Variants in ELL2 observed in about 807,000 individuals in gnomAD.
The protein encoded by ELL2 is elongation factor for RNA polymerase II 2.
In ELL2, 21 loss-of-function variants were observed where a neutral mutation model predicts 72.8. The observed-to-expected ratio is 0.29, with a 90% CI of 0.20 to 0.42. ELL2 has a LOEUF of 0.42. ELL2 is among the 10% of genes least tolerant of loss of function. The pLI is 1.00. For missense variants in ELL2, 568 were observed against 772.8 expected (o/e 0.73, Z 3.14); for synonymous variants, 266 against 283.2 (o/e 0.94, Z 0.61).
intron 1 of ELL2, among the ~76,000 whole-genome samples, chr5:95,944,984 C>T (rs989749351): frequency 6.6e-6 from 1 of 152,210 alleles, no homozygotes; most frequent in Non-Finnish European, 1.5e-5. Flanking sequence ...TCACACCTTT[C>T]ATTTCGAAAG....
intron 9 of ELL2, 66 bp downstream of exon 9, chr5:95,895,562 G>T: frequency 1.4e-6 from 2 of 1,453,984 alleles, no homozygotes; most frequent in Non-Finnish European, 1.9e-6. Flanking sequence ...TGCAAATTAT[G>T]GGAAAAGAAT....
At chr5:95,933,287 T>C (rs1400931767) in intron 2 of ELL2, among the ~76,000 whole-genome samples, 2 of 152,164 alleles carry the variant, frequency 1.3e-5, no homozygotes, top group Admixed American at 1.3e-4. Flanking sequence ...AAATGCCATA[T>C]CTAGGAATCT....
chr5:95,937,275 T>C (rs1217092103), intron 2 of ELL2, among the ~76,000 whole-genome samples: 7 of 152,164 alleles, frequency 4.6e-5, no homozygotes, highest in Non-Finnish European at 1.0e-4. Context: ...ACCACAAACA[T>C]ACAATCAAAG....
At chr5:95,899,912 G>A (rs1040651720) in intron 7 of ELL2, among the ~76,000 whole-genome samples, 1 of 151,708 alleles carries the variant, frequency 6.6e-6, no homozygotes, top group Non-Finnish European at 1.5e-5. Context: ...ATTTTCTGAT[G>A]TGCGAATGGC....
chr5:95,928,360 T>C (rs1251964861), intron 2 of ELL2, among the ~76,000 whole-genome samples: 1 of 152,306 alleles, frequency 6.6e-6, no homozygotes, highest in East Asian at 1.9e-4. Context: ...CCCATTGGGT[T>C]CAGCAACTTA....
chr5:95,905,816 A>G (rs948552335), intron 5 of ELL2, among the ~76,000 whole-genome samples: 3 of 151,896 alleles, frequency 2.0e-5, no homozygotes, highest in Non-Finnish European at 2.9e-5. Flanking sequence ...TAGAAAAAGT[A>G]AAAAAGATGG....
At position 95,926,366 on chromosome 5, in the gene ELL2, G is replaced by A. The variant is rs1455611229; in HGVS notation, c.196-6821C>T. Among the ~76,000 whole-genome samples, 4 of 152,214 alleles carry A rather than the reference G, an allele frequency of 2.6e-5. No individual in the cohort carries two copies. The South Asian group carries it at 6.2e-4, about 24-fold the overall frequency. ...AGAGGATCCAACACATATTAGAGCC[G>A]TCTGAAATTTCCATATGATAGCTAT... On this transcript the variant is annotated intron_variant, in intron 2 of 11. Coordinates refer to ENST00000237853, the MANE Select transcript of ELL2 (RefSeq NM_012081.6).
rs765842892 is a variant in ELL2 at position 95,913,916 on chromosome 5, G to A, written c.336C>T (p.Leu112=). ...QTFSSSGASQ[L]NCLGFIQDKI... ...TATCTTGTATAAATCCCAGGCAATT[G>A]AGCTGGGAGGCTCCAGAGCTGTCAA... The change falls in exon 4 of 12, where the codon CTC becomes CTT. Residue 112 remains leucine (L), a synonymous_variant. Coordinates refer to ENST00000237853, the MANE Select transcript of ELL2 (RefSeq NM_012081.6). 52 of 1,595,872 alleles carry A rather than the reference G, an allele frequency of 3.3e-5. No homozygotes were observed. Among genetic ancestry groups the A allele is most frequent in the Non-Finnish European group, 4.4e-5 (52 of 1,170,996 alleles).
At position 95,918,637 on chromosome 5, in the gene ELL2, T is replaced by C. The variant is rs536686491; in HGVS notation, c.317+787A>G. On this transcript the variant is annotated intron_variant, in intron 3 of 11. Transcript: ENST00000237853. Reference sequence around the variant, plus strand: ...CAGATAAGTCACAGAGATACGCTGGTCTAGGGTACTTGGGGCTAATGTCAA... The same window carrying C: ...CAGATAAGTCACAGAGATACGCTGGCCTAGGGTACTTGGGGCTAATGTCAA... Among the ~76,000 whole-genome samples the C allele has an allele frequency of 2.0e-5, 3 of 152,180 alleles. No homozygotes were observed. In the South Asian group the frequency reaches 6.2e-4, roughly 32 times the overall value.
rs1185422900 is a variant in ELL2, at chr5:95,887,862, A to G, written c.*1009T>C. 1.3e-5 allele frequency: 2 copies of G among 152,466 alleles called. No individual in the cohort carries two copies. The highest frequency in any genetic ancestry group is 2.9e-5 in the Non-Finnish European group (2 of 68,038). 9.4% of individuals were successfully genotyped at this position (152,466 alleles called of 1,614,324 possible). A position where few individuals can be genotyped will look rare whatever the true frequency, so the allele number is the denominator to read the frequency against. Reference sequence around the variant, plus strand: ...TTTTATAATTTTGTCCCAAAACTATAGATCTGTTTCATTTTCATGACATAT... The same window carrying G: ...TTTTATAATTTTGTCCCAAAACTATGGATCTGTTTCATTTTCATGACATAT... On this transcript the variant is annotated 3_prime_UTR_variant, in exon 12 of 12. Coordinates refer to ENST00000237853, the MANE Select transcript of ELL2 (RefSeq NM_012081.6).
chr5:95,926,177 A>G (rs1047033830), intron 2 of ELL2, among the ~76,000 whole-genome samples: 1 of 137,536 alleles, frequency 7.3e-6, no homozygotes, highest in Non-Finnish European at 1.5e-5. Flanking sequence ...TTGAGGGGAG[A>G]AAAAAAAAAA....
intron 8 of ELL2, among the ~76,000 whole-genome samples, chr5:95,895,972 C>A (rs931728165): frequency 1.3e-5 from 2 of 152,236 alleles, no homozygotes; most frequent in Admixed American, 6.5e-5. Context: ...GTCTTCTATT[C>A]TTTCAACAAC....
chr5:95,938,480 T>C (rs1392754166), intron 2 of ELL2, among the ~76,000 whole-genome samples: 1 of 152,226 alleles, frequency 6.6e-6, no homozygotes, highest in African/African-American at 2.4e-5. Flanking sequence ...TCCCAGGTCT[T>C]TGGGAAGCCC....
At chr5:95,913,339 T>C (rs964020992) in intron 4 of ELL2, 1 of 152,914 alleles carries the variant, frequency 6.5e-6, no homozygotes. Flanking sequence ...GTAAGCAAAA[T>C]CTACAACAAT....
chr5:95,944,772 C>T (rs1371734557), intron 1 of ELL2, among the ~76,000 whole-genome samples: 1 of 152,204 alleles, frequency 6.6e-6, no homozygotes, highest in Non-Finnish European at 1.5e-5. Context: ...AAGCACTGAA[C>T]ATAACCTCAT....
At chr5:95,928,859 G>A (rs1408678027) in intron 2 of ELL2, among the ~76,000 whole-genome samples, 1 of 152,112 alleles carries the variant, frequency 6.6e-6, no homozygotes, top group East Asian at 1.9e-4. Flanking sequence ...TACTACTTAT[G>A]AGTAGTAGAT....
intron 4 of ELL2, among the ~76,000 whole-genome samples, chr5:95,908,239 C>T (rs1210498121): frequency 2.6e-5 from 4 of 152,176 alleles, no homozygotes; most frequent in Non-Finnish European, 4.4e-5. Flanking sequence ...GGACACTGTG[C>T]TAAGAGCTGC....
chr5:95,937,454 T>C (rs1206774037), intron 2 of ELL2, among the ~76,000 whole-genome samples: 1 of 151,846 alleles, frequency 6.6e-6, no homozygotes, highest in East Asian at 1.9e-4. Context: ...TAAAATGAGA[T>C]TTTAAAAAAT....
At chr5:95,958,758 G>A (rs114956656) in intron 1 of ELL2, among the ~76,000 whole-genome samples, 1,921 of 152,196 alleles carry the variant, frequency 0.013, 19 homozygotes, top group Non-Finnish European at 0.019. Context: ...AGAGAGATCT[G>A]GGAAAAAGTC....
Sources: allele counts gnomAD v4.1 joint callset (sites outside exome capture counted in the v4.1 genomes callset), GRCh38; gene constraint gnomAD v4.1.1; transcripts MANE v1.5; gene names NCBI Gene and HGNC (gene_info 2026-07-23, HGNC 2026-07-21).